The following LIPK variants were observed in gnomAD, a reference collection of about 807,000 sequenced individuals.
The protein encoded by LIPK is lipase family member K, also known as lipase member K.
In LIPK, 32 loss-of-function variants were observed where a neutral mutation model predicts 48.6. The ratio of observed to expected loss-of-function variants is 0.66; its 90% CI spans 0.50 to 0.88. LIPK has a LOEUF of 0.88. Ranked by LOEUF, LIPK falls within the 40% of genes least tolerant of loss-of-function variation. The pLI, the probability that LIPK is intolerant of heterozygous loss-of-function variation, is 0.00. For missense variants in LIPK, 507 were observed against 478.5 expected (o/e 1.06, Z -0.56); for synonymous variants, 164 against 157.4 (o/e 1.04, Z -0.32).
intron 1 of LIPK, among the ~76,000 whole-genome samples, chr10:88,713,958 A>G (rs1453042194): frequency 1.3e-5 from 2 of 151,856 alleles, no homozygotes; most frequent in Non-Finnish European, 2.9e-5. Context: ...TCAAAAAAAT[A>G]AAAATAAAAA....
chr10:88,751,515 A>G (rs1156810172), intron 9 of LIPK, among the ~76,000 whole-genome samples: 1 of 152,180 alleles, frequency 6.6e-6, no homozygotes, highest in African/African-American at 2.4e-5. Context: ...GTGAGCCACC[A>G]TGCCCAGCCA....
intron 1 of LIPK, among the ~76,000 whole-genome samples, chr10:88,707,792 G>A (rs1267621664): frequency 6.6e-6 from 1 of 152,086 alleles, no homozygotes; most frequent in African/African-American, 2.4e-5. Context: ...AGTCTCCTCA[G>A]TCTTCCTGAT....
At chr10:88,750,590 G>T (rs537789537) in intron 9 of LIPK, among the ~76,000 whole-genome samples, 142 of 152,198 alleles carry the variant, frequency 9.3e-4, no homozygotes, top group African/African-American at 3.4e-3. Flanking sequence ...ATAAGTGGGG[G>T]CTAAACATTG....
chr10:88,732,173 G>C lies in LIPK; in HGVS notation c.423-5G>C, dbSNP rs769620778. ...TTCTAATTTGTTATTCCTTCTTTTT[G>C]ATAGTTTGGATGAGATGGCTAAATA... On this transcript the variant is annotated splice_region_variant and splice_polypyrimidine_tract_variant and intron_variant, in intron 4 of 9. Coordinates refer to ENST00000404190, the MANE Select transcript of LIPK (RefSeq NM_001080518.2). 1 of 1,545,140 alleles carries C rather than the reference G, an allele frequency of 6.5e-7. No homozygotes were observed. Among genetic ancestry groups the C allele is most frequent in the East Asian group, 2.4e-5 (1 of 41,504 alleles).
chr10:88,732,488 C>A lies in LIPK; in HGVS notation c.606C>A (p.Val202=), dbSNP rs757218811. The change falls in exon 6 of 10, where the codon GTC becomes GTA. Residue 202 remains valine (V), a synonymous_variant. Coordinates refer to ENST00000404190, the MANE Select transcript of LIPK (RefSeq NM_001080518.2). ...TATTTTTTGCACTGGCTCCAGTTGT[C>A]ACAGTTAAATACACCCAAAGTCCTA... is the stretch of plus-strand genomic sequence containing the variant. The part of the protein sequence containing the change: ...IKIFFALAPV[V]TVKYTQSPMK... 11 of 1,613,696 alleles carry A rather than the reference C, an allele frequency of 6.8e-6. No homozygotes were observed. In the East Asian group the frequency reaches 2.5e-4, roughly 36 times the overall value.
chr10:88,731,233 T>C, intron 4 of LIPK, 52 bp downstream of exon 4: 1 of 1,330,328 alleles, frequency 7.5e-7, no homozygotes, highest in Non-Finnish European at 9.9e-7. Flanking sequence ...CATGCATATG[T>C]ATGAACACCT....
intron 9 of LIPK, among the ~76,000 whole-genome samples, chr10:88,752,259 C>T (rs1450432689): frequency 1.3e-5 from 2 of 152,174 alleles, no homozygotes; most frequent in East Asian, 3.9e-4. Flanking sequence ...GAATGCTCTT[C>T]CTCCAGAATC....
intron 6 of LIPK, among the ~76,000 whole-genome samples, chr10:88,734,286 A>G (rs926150923): frequency 3.9e-5 from 6 of 152,198 alleles, no homozygotes; most frequent in African/African-American, 1.4e-4. Context: ...TAAGGATATG[A>G]TTTCATTATA....
chr10:88,720,430 T>C (rs1842200027), intron 1 of LIPK, among the ~76,000 whole-genome samples: 1 of 152,106 alleles, frequency 6.6e-6, no homozygotes, highest in Admixed American at 6.5e-5. Context: ...CTAGGTTTAG[T>C]ACCTGGGCAA....
chr10:88,725,253 A>G (rs1842313857), intron 2 of LIPK, among the ~76,000 whole-genome samples: 1 of 152,176 alleles, frequency 6.6e-6, no homozygotes, highest in Non-Finnish European at 1.5e-5. Flanking sequence ...GTTTTTTTTC[A>G]TTAGTATCTC....
intron 6 of LIPK, among the ~76,000 whole-genome samples, chr10:88,736,051 AT>A (rs1228749158): frequency 3.3e-5 from 5 of 152,134 alleles, no homozygotes; most frequent in African/African-American, 1.2e-4. Flanking sequence ...AATATTTGAT[AT>A]TCCATGGAAT....
chr10:88,715,651 C>A (rs1842102407), intron 1 of LIPK, among the ~76,000 whole-genome samples: 1 of 151,848 alleles, frequency 6.6e-6, no homozygotes, highest in East Asian at 1.9e-4. Context: ...ATTTTTGGTA[C>A]AGTTTTGTTT....
intron 1 of LIPK, among the ~76,000 whole-genome samples, chr10:88,709,842 T>A (rs1425941070): frequency 6.6e-6 from 1 of 152,082 alleles, no homozygotes. Flanking sequence ...GTTGGGCTTT[T>A]CCTTTGCAAA....
At chr10:88,742,912 A>C (rs943879084) in intron 8 of LIPK, among the ~76,000 whole-genome samples, 3 of 152,338 alleles carry the variant, frequency 2.0e-5, no homozygotes, top group African/African-American at 7.2e-5. Flanking sequence ...AAATTATTAA[A>C]ATTCCTGAAG....
chr10:88,738,928 G>T (rs2086120859), intron 7 of LIPK, among the ~76,000 whole-genome samples: 1 of 152,228 alleles, frequency 6.6e-6, no homozygotes, highest in South Asian at 2.1e-4. Flanking sequence ...CACATGTCCA[G>T]AACTCAACCT....
rs934657193 is a variant in LIPK at position 88,739,854 on chromosome 10, CAAAAATAAAAAT to C, written c.817-124_817-113del. 7.3e-5 allele frequency: 35 copies of C among 480,784 alleles called. 1 individual carries two copies. Among genetic ancestry groups the C allele is most frequent in the African/African-American group, 2.7e-4 (13 of 48,940 alleles). 29.8% of individuals were successfully genotyped at this position (480,784 alleles called of 1,614,324 possible). A position where few individuals can be genotyped will look rare whatever the true frequency, so the allele number is the denominator to read the frequency against. ...TGGGTGACAGAGCGAGACTCCAACT[CAAAAATAAAAAT>C]AAAAATAAAAATAAAAAAAAGAAAG... On this transcript the variant is annotated intron_variant, in intron 7 of 9. Transcript: ENST00000404190.
chr10:88,724,563 C>A lies in LIPK; in HGVS notation c.20C>A (p.Ala7Glu). The change falls in exon 2 of 10, where the codon GCA becomes GAA. Residue 7 changes from alanine (A) to glutamate (E), a missense_variant. By Grantham distance (107) the Ala-to-Glu change is moderately radical. Coordinates refer to ENST00000404190, the MANE Select transcript of LIPK (RefSeq NM_001080518.2). MWQLLA[A>E]ACWMLLLGSM... is the part of the protein sequence containing the mutation. ...TCCCAAATGTGGCAGCTTTTAGCAG[C>A]AGCATGCTGGATGCTTCTTCTTGGA... 1 of 1,607,468 alleles carries A rather than the reference C, an allele frequency of 6.2e-7. No homozygotes were observed. Among genetic ancestry groups the A allele is most frequent in the Non-Finnish European group, 8.5e-7 (1 of 1,177,506 alleles).
Position 88,739,162 on chromosome 10 carries a change from A to G in LIPK, c.817-834A>G, listed in dbSNP as rs551706216. On this transcript the variant is annotated intron_variant, in intron 7 of 9. Transcript: ENST00000404190. The stretch of plus-strand genomic sequence containing the variant: ...GTGGTTGTTTATCCATAAGATATCT[A>G]AATATACCGACTGAATTAATTCTGT... Among the ~76,000 whole-genome samples, 3 of 144,714 alleles carry G rather than the reference A, an allele frequency of 2.1e-5. No homozygotes were observed. The South Asian group carries it at 6.8e-4, about 33-fold the overall frequency. The allele number at this position is 144,714 out of a possible 152,430, so 94.9% of individuals were successfully genotyped here.
intron 6 of LIPK, among the ~76,000 whole-genome samples, chr10:88,737,233 C>T (rs1182481672): frequency 6.6e-6 from 1 of 152,132 alleles, no homozygotes. Context: ...TTAAACATGA[C>T]CTACTAACTT....
Sources: allele counts gnomAD v4.1 joint callset (sites outside exome capture counted in the v4.1 genomes callset), GRCh38; gene constraint gnomAD v4.1.1; transcripts MANE v1.5; gene names NCBI Gene and HGNC (gene_info 2026-07-23, HGNC 2026-07-21).